LDHAL6A: variants seen among roughly 807,000 people sequenced by gnomAD.
The protein encoded by LDHAL6A is L-lactate dehydrogenase A-like 6A.
In LDHAL6A, 19 loss-of-function variants were observed where a neutral mutation model predicts 28.2. The observed-to-expected ratio is 0.67, with a 90% CI of 0.47 to 0.99. The LOEUF (loss-of-function observed/expected upper bound fraction) is 0.99, where lower values mean the gene tolerates loss of function less well. Ranked by LOEUF, LDHAL6A falls within the 50% of genes least tolerant of loss-of-function variation. The probability of loss-of-function intolerance (pLI) is 0.00; values close to 1 mark genes in which losing one functional copy is unlikely to be tolerated. For missense variants in LDHAL6A, 372 were observed against 398.6 expected (o/e 0.93, Z 0.57); for synonymous variants, 144 against 134.4 (o/e 1.07, Z -0.49).
At chr11:18,476,932 G>A (rs1416591092) in intron 5 of LDHAL6A, among the ~76,000 whole-genome samples, 28 of 151,740 alleles carry the variant, frequency 1.8e-4, no homozygotes, top group Non-Finnish European at 8.8e-5. Context: ...TTGAGCCCAG[G>A]AGTATGACAC....
chr11:18,476,578 C>T, intron 5 of LDHAL6A, 77 bp downstream of exon 5: 2 of 1,531,460 alleles, frequency 1.3e-6, no homozygotes, highest in Non-Finnish European at 1.8e-6. Flanking sequence ...AGATTAGTCC[C>T]TTAAATATAT....
At chr11:18,461,189 G>T (rs1209579023) in intron 1 of LDHAL6A, among the ~76,000 whole-genome samples, 1 of 150,222 alleles carries the variant, frequency 6.7e-6, no homozygotes, top group African/African-American at 2.5e-5. Flanking sequence ...CTGTTGCCCA[G>T]GCTGGAGTGC....
chr11:18,465,188 C>T (rs889726764), intron 2 of LDHAL6A, among the ~76,000 whole-genome samples: 6 of 151,576 alleles, frequency 4.0e-5, no homozygotes, highest in African/African-American at 1.5e-4. Context: ...GTTGGAGTGT[C>T]GTGGTGTGAT....
chr11:18,467,980 CGTATATATATGCAT>C, intron 3 of LDHAL6A, among the ~76,000 whole-genome samples: 1 of 47,862 alleles, frequency 2.1e-5, no homozygotes, highest in Non-Finnish European at 3.2e-5. Context: ...TATATATATA[CGTATATATATGCAT>C]ATATATACGT....
At chr11:18,463,852 T>A in intron 1 of LDHAL6A, 109 bp from the exon 2 acceptor site, 1 of 702,060 alleles carries the variant, frequency 1.4e-6, no homozygotes. Flanking sequence ...TTTCCTTTGA[T>A]TTTGATAATT....
At chr11:18,462,938 T>C (rs1351795370) in intron 1 of LDHAL6A, among the ~76,000 whole-genome samples, 1 of 128,764 alleles carries the variant, frequency 7.8e-6, no homozygotes, top group Admixed American at 8.6e-5. Flanking sequence ...TTTGAATCAG[T>C]TTCTTGTATT....
chr11:18,470,592 A>C (rs1419717569), intron 3 of LDHAL6A, among the ~76,000 whole-genome samples: 1 of 152,238 alleles, frequency 6.6e-6, no homozygotes, highest in Non-Finnish European at 1.5e-5. Context: ...ATCATGGATA[A>C]AAACTAAATG....
intron 3 of LDHAL6A, among the ~76,000 whole-genome samples, chr11:18,473,446 T>C (rs778836332): frequency 6.6e-6 from 1 of 152,210 alleles, no homozygotes; most frequent in African/African-American, 2.4e-5. Flanking sequence ...TTGTTACCTA[T>C]GCTGAAGTGC....
Position 18,477,479 on chromosome 11 carries a change from T to G in LDHAL6A, c.711-141T>G. On this transcript the variant is annotated intron_variant, in intron 5 of 6. Coordinates refer to ENST00000280706, the MANE Select transcript of LDHAL6A (RefSeq NM_144972.5). ...AAAAAAAAAAAGAAGAAAGAAAAAA[T>G]GCATACATACTACAAGTAATTTCTA... 4 of 707,388 alleles carry G rather than the reference T, an allele frequency of 5.7e-6. No individual in the cohort carries two copies. The South Asian group carries it at 9.7e-5, about 17-fold the overall frequency. The allele number at this position is 707,388 out of a possible 1,614,324, so 43.8% of individuals were successfully genotyped here.
intron 3 of LDHAL6A, among the ~76,000 whole-genome samples, chr11:18,470,501 A>C (rs557653958): frequency 6.6e-6 from 1 of 152,330 alleles, no homozygotes; most frequent in South Asian, 2.1e-4. Flanking sequence ...ATTTAAATGA[A>C]TCACCAGAGA....
At position 18,468,023 on chromosome 11, in the gene LDHAL6A, ACG is replaced by A. The variant is rs1417425429; in HGVS notation, c.418+2214_418+2215del. Among the ~76,000 whole-genome samples the A allele has an allele frequency of 4.4e-3, 273 of 61,926 alleles. 14 individuals are homozygous for A. The highest frequency in any genetic ancestry group is 0.019 in the East Asian group (25 of 1,304). 40.6% of individuals were successfully genotyped at this position (61,926 alleles called of 152,430 possible). On this transcript the variant is annotated intron_variant, in intron 3 of 6. Transcript: ENST00000280706. ...TATACGTATATATATACATATATAT[ACG>A]TATATATATATACATATATATACGT...
At chr11:18,457,981 A>G (rs888991682) in intron 1 of LDHAL6A, among the ~76,000 whole-genome samples, 2 of 152,240 alleles carry the variant, frequency 1.3e-5, no homozygotes, top group Non-Finnish European at 2.9e-5. Context: ...ATAGATAAGT[A>G]TACAGGTAAT....
At position 18,475,523 on chromosome 11, in the gene LDHAL6A, T is replaced by C. The variant is rs765299317; in HGVS notation, c.476T>C (p.Ile159Thr). ...AGTGGATTTCCCAAAAACCGTGTTA[T>C]TGGAAGTGGTTGTAATCTGGACTCT... is the stretch of plus-strand genomic sequence containing the variant. ...KLSGFPKNRV[I>T]GSGCNLDSAR... Residue 159 changes from isoleucine (I) to threonine (T), a missense_variant, in exon 4 of 7, where the codon ATT (isoleucine) becomes ACT (threonine). Physicochemically the swap from Ile to Thr is moderately conservative, Grantham distance 89. Around this residue, in one of 3 missense-constraint regions of LDHAL6A, gnomAD observed 291 missense variants for 302.9 expected, o/e 0.96. Coordinates refer to ENST00000280706, the MANE Select transcript of LDHAL6A (RefSeq NM_144972.5). 6.8e-6 allele frequency: 11 copies of C among 1,614,008 alleles called. No individual in the cohort carries two copies. The East Asian group carries it at 1.8e-4, about 26-fold the overall frequency.
At chr11:18,466,567 T>C (rs967180134) in intron 3 of LDHAL6A, among the ~76,000 whole-genome samples, 1 of 151,020 alleles carries the variant, frequency 6.6e-6, no homozygotes, top group Admixed American at 6.6e-5. Flanking sequence ...GGCGGGAGGA[T>C]TGCTTCAGCC....
At chr11:18,458,456 G>C (rs1166487484) in intron 1 of LDHAL6A, among the ~76,000 whole-genome samples, 1 of 152,180 alleles carries the variant, frequency 6.6e-6, no homozygotes, top group Non-Finnish European at 1.5e-5. Context: ...GTCACCTCCT[G>C]CTTCTAGAAC....
intron 1 of LDHAL6A, among the ~76,000 whole-genome samples, chr11:18,462,636 C>CAAAAA (rs1433145021): frequency 1.1e-5 from 1 of 89,278 alleles, no homozygotes; most frequent in African/African-American, 5.6e-5. Context: ...GACTCTGTCT[C>CAAAAA]AAAAAACAAA....
At chr11:18,471,490 G>A (rs1849256809) in intron 3 of LDHAL6A, among the ~76,000 whole-genome samples, 1 of 151,796 alleles carries the variant, frequency 6.6e-6, no homozygotes, top group Non-Finnish European at 1.5e-5. Context: ...GATTACAGAC[G>A]TGAACCGCCA....
chr11:18,464,980 T>TTTTTTG (rs1324464563), intron 2 of LDHAL6A, among the ~76,000 whole-genome samples: 6,303 of 134,950 alleles, frequency 0.047, 288 homozygotes, highest in Non-Finnish European at 0.058. Flanking sequence ...TTTTTTTGTT[T>TTTTTTG]TTTTTTGTTT....
At position 18,475,598 on chromosome 11, in the gene LDHAL6A, G is replaced by A. The variant is rs778265057; in HGVS notation, c.551G>A (p.Ser184Asn). 2.5e-6 allele frequency: 4 copies of A among 1,614,158 alleles called. No individual in the cohort carries two copies. The highest frequency in any genetic ancestry group is 1.6e-4 in the Middle Eastern group (1 of 6,062). ...CAAAGGCTTGGCATCCACTCTGAAAGCTGTCATGGGCTGATCCTTGGAGAG... is the reference window on the plus strand; with the variant it reads ...CAAAGGCTTGGCATCCACTCTGAAAACTGTCATGGGCTGATCCTTGGAGAG... The part of the protein sequence containing the change: ...IGQRLGIHSE[S>N]CHGLILGEHG... The change falls in exon 4 of 7, where the codon AGC becomes AAC. Residue 184 changes from serine (S) to asparagine (N), a missense_variant. Around this residue, in one of 3 missense-constraint regions of LDHAL6A, gnomAD observed 291 missense variants for 302.9 expected, o/e 0.96. Transcript: ENST00000280706.
Sources: gnomAD v4.1 joint callset for allele counts (sites outside exome capture counted in the v4.1 genomes callset) on GRCh38, gnomAD v4.1.1 for gene constraint, gnomAD v4.1.1 regional missense constraint, MANE v1.5 for transcripts, NCBI Gene and HGNC (gene_info 2026-07-23, HGNC 2026-07-21) for gene names.